PPARGC1A: variants seen among roughly 807,000 people sequenced by gnomAD.
PPARGC1A encodes the protein PPARG coactivator 1 alpha, also known as peroxisome proliferator-activated receptor gamma coactivator 1-alpha.
In PPARGC1A, 25 loss-of-function variants were observed where a neutral mutation model predicts 88.7. The ratio of observed to expected loss-of-function variants is 0.28; its 90% CI spans 0.21 to 0.39. The LOEUF is 0.39. PPARGC1A is among the 10% of genes least tolerant of loss of function. The probability of loss-of-function intolerance (pLI) is 1.00; values close to 1 mark genes in which losing one functional copy is unlikely to be tolerated. For synonymous variants in PPARGC1A, 363 were observed against 355.6 expected, an observed-to-expected ratio of 1.02 and a Z score of -0.24; for missense variants, 880 against 968.7, an observed-to-expected ratio of 0.91 and a Z score of 1.22.
the PPARGC1A span, among the ~76,000 whole-genome samples, chr4:24,380,426 T>C: frequency 6.6e-6 from 1 of 152,198 alleles, no homozygotes; most frequent in African/African-American, 2.4e-5. Flanking sequence ...ATCATGGAGA[T>C]GGCACATGCC....
the PPARGC1A span, among the ~76,000 whole-genome samples, chr4:24,051,343 G>A: frequency 6.6e-6 from 1 of 152,048 alleles, no homozygotes; most frequent in African/African-American, 2.4e-5. Context: ...TTATATTTGA[G>A]AGAAATGAAA....
the PPARGC1A span, among the ~76,000 whole-genome samples, chr4:24,195,720 T>C: frequency 6.6e-6 from 1 of 152,208 alleles, no homozygotes; most frequent in African/African-American, 2.4e-5. Context: ...CATATTTCCC[T>C]CCTCATATTC....
chr4:23,803,014 A>G (rs577178713), intron 10 of PPARGC1A, among the ~76,000 whole-genome samples: 1 of 152,164 alleles, frequency 6.6e-6, no homozygotes, highest in South Asian at 2.1e-4. Flanking sequence ...AACATTTGTG[A>G]CTTGATTATG....
At chr4:24,072,043 G>T in the PPARGC1A span, among the ~76,000 whole-genome samples, 2 of 150,930 alleles carry the variant, frequency 1.3e-5, no homozygotes, top group Admixed American at 6.6e-5. Context: ...AAGAAATAGG[G>T]CTCAAAATGG....
chr4:24,197,162 G>C, the PPARGC1A span, among the ~76,000 whole-genome samples: 1 of 152,190 alleles, frequency 6.6e-6, no homozygotes, highest in Non-Finnish European at 1.5e-5. Context: ...AGGAAAGTTA[G>C]TATTAGCCAC....
chr4:24,137,085 G>A, the PPARGC1A span, among the ~76,000 whole-genome samples: 2 of 147,628 alleles, frequency 1.4e-5, no homozygotes, highest in African/African-American at 5.1e-5. Flanking sequence ...CTGCACTCCA[G>A]CCCGGGTGAC....
the PPARGC1A span, among the ~76,000 whole-genome samples, chr4:24,289,561 A>C: frequency 6.6e-6 from 1 of 152,136 alleles, no homozygotes; most frequent in Non-Finnish European, 1.5e-5. Flanking sequence ...CTGTTATTTT[A>C]TTTCACTTCT....
At chr4:24,072,664 A>G in the PPARGC1A span, among the ~76,000 whole-genome samples, 1 of 152,196 alleles carries the variant, frequency 6.6e-6, no homozygotes, top group Non-Finnish European at 1.5e-5. Flanking sequence ...TTTAAAACAG[A>G]TCTTGCATGA....
chr4:23,971,630 T>C, the PPARGC1A span, among the ~76,000 whole-genome samples: 1 of 152,170 alleles, frequency 6.6e-6, no homozygotes, highest in Non-Finnish European at 1.5e-5. Flanking sequence ...CCTGTTCACA[T>C]TTTTCTGCCT....
the PPARGC1A span, among the ~76,000 whole-genome samples, chr4:23,929,167 T>C: frequency 0.01 from 1,531 of 152,020 alleles, 35 homozygotes; most frequent in African/African-American, 0.035. Flanking sequence ...AATGAATAAA[T>C]AAATAAATAA....
At chr4:24,267,878 C>T in the PPARGC1A span, among the ~76,000 whole-genome samples, 4 of 152,066 alleles carry the variant, frequency 2.6e-5, no homozygotes, top group African/African-American at 9.7e-5. Flanking sequence ...ATAAGGGCAC[C>T]ATCTGTATTT....
intron 2 of PPARGC1A, among the ~76,000 whole-genome samples, chr4:23,869,960 T>C (rs1370287345): frequency 4.6e-5 from 7 of 152,196 alleles, no homozygotes; most frequent in Admixed American, 4.6e-4. Context: ...AGTGGTCTCT[T>C]TATTCAAGAA....
chr4:23,814,716 A>G (rs1252866288), intron 7 of PPARGC1A, 111 bp from the exon 8 acceptor site: 1 of 1,077,074 alleles, frequency 9.3e-7, no homozygotes, highest in Non-Finnish European at 1.3e-6. Context: ...ATTTCAGACA[A>G]GGGTTCAAAC....
the PPARGC1A span, among the ~76,000 whole-genome samples, chr4:24,162,818 C>A: frequency 6.6e-6 from 1 of 151,410 alleles, no homozygotes; most frequent in Non-Finnish European, 1.5e-5. Context: ...GGTCTCGCAC[C>A]CCTGACCTCA....
chr4:23,883,433 A>G (rs1716326697), intron 2 of PPARGC1A: 2 of 152,234 alleles, frequency 1.3e-5, no homozygotes, highest in African/African-American at 4.8e-5. Context: ...GTCTTTGTAA[A>G]GGATGGCTGT....
chr4:24,381,439 G>T, the PPARGC1A span, among the ~76,000 whole-genome samples: 1 of 152,212 alleles, frequency 6.6e-6, no homozygotes, highest in Non-Finnish European at 1.5e-5. Context: ...GTAACTAGCT[G>T]CAACTGCAGT....
At chr4:23,930,997 C>A in the PPARGC1A span, among the ~76,000 whole-genome samples, 1 of 152,202 alleles carries the variant, frequency 6.6e-6, no homozygotes, top group Non-Finnish European at 1.5e-5. Flanking sequence ...CACATGCCGC[C>A]GCGTGGAGTG....
the PPARGC1A span, among the ~76,000 whole-genome samples, chr4:24,387,135 C>T: frequency 2.4e-4 from 37 of 152,050 alleles, no homozygotes; most frequent in Non-Finnish European, 4.4e-5. Flanking sequence ...AAACAAGCAA[C>T]GGGGAAAGGA....
At chr4:24,350,440 A>C in the PPARGC1A span, among the ~76,000 whole-genome samples, 1 of 152,238 alleles carries the variant, frequency 6.6e-6, no homozygotes, top group African/African-American at 2.4e-5. Flanking sequence ...AACCTAGTAC[A>C]AGGATACATA....
Sources: allele counts gnomAD v4.1 joint callset (sites outside exome capture counted in the v4.1 genomes callset), GRCh38; gene constraint gnomAD v4.1.1; transcripts MANE v1.5; gene names NCBI Gene and HGNC (gene_info 2026-07-23, HGNC 2026-07-21).